The following SLCO1C1 variants were observed in gnomAD, a reference collection of about 807,000 sequenced individuals.
SLCO1C1 encodes the protein solute carrier organic anion transporter family member 1C1.
SLCO1C1 carries 70 observed loss-of-function variants against 76.4 expected under a neutral mutation model. The observed-to-expected ratio is 0.92, with a 90% CI of 0.76 to 1.12. The LOEUF is 1.12. Ranked by LOEUF, SLCO1C1 falls within the 50% of genes most tolerant of loss-of-function variation. The pLI is 0.00. For synonymous variants in SLCO1C1, 306 were observed against 286.1 expected (o/e 1.07, Z -0.70); for missense variants, 912 against 823.8 (o/e 1.11, Z -1.31).
intron 4 of SLCO1C1, among the ~76,000 whole-genome samples, chr12:20,707,089 A>G (rs2120646671): frequency 6.6e-6 from 1 of 152,204 alleles, no homozygotes; most frequent in South Asian, 2.1e-4. Flanking sequence ...GGTAGGGCTC[A>G]GAATTCTCTG....
rs1946971974 is a variant in SLCO1C1 at position 20,709,745 on chromosome 12, GT to G, written c.405-1640del. 3.5e-5 allele frequency among the ~76,000 whole-genome samples: 2 copies of G among 57,844 alleles called. 1 individual carries two copies. Among genetic ancestry groups the G allele is most frequent in the African/African-American group, 1.1e-4 (2 of 17,754 alleles). The allele number at this position is 57,844 out of a possible 152,430, so 37.9% of individuals were successfully genotyped here. ...AAATACAAAAAATTAGCCGGGCGCG[GT>G]GGCGGGCGCCTGTAGTCCCAGCTAC... On this transcript the variant is annotated intron_variant, in intron 4 of 14. Transcript: ENST00000266509.
At chr12:20,723,396 G>A (rs1207833867) in intron 9 of SLCO1C1, 142 bp downstream of exon 9, 2 of 1,020,978 alleles carry the variant, frequency 2.0e-6, no homozygotes, top group East Asian at 2.7e-5. Flanking sequence ...CAAGAATGTT[G>A]TAGCAAGAAT....
intron 4 of SLCO1C1, among the ~76,000 whole-genome samples, chr12:20,708,508 G>T (rs1946899342): frequency 6.6e-6 from 1 of 152,082 alleles, no homozygotes; most frequent in African/African-American, 2.4e-5. Flanking sequence ...GGTTGGGGGT[G>T]GTTGCAGTAT....
rs546488610 is a variant in SLCO1C1, at chr12:20,733,459, T to C, written c.1382+355T>C. ...GTTTAAACTAATCCAACTTCAATTT[T>C]CCCATCTTAAAAACAGAAGTAATAA... On this transcript the variant is annotated intron_variant, in intron 10 of 14. Transcript: ENST00000266509. Among the ~76,000 whole-genome samples, 37 of 152,324 alleles carry C rather than the reference T, an allele frequency of 2.4e-4. No individual in the cohort carries two copies. The South Asian group carries it at 7.4e-3, about 31-fold the overall frequency.
chr12:20,750,895 G>C, intron 14 of SLCO1C1, 103 bp downstream of exon 14: 6 of 1,608,990 alleles, frequency 3.7e-6, no homozygotes, highest in Non-Finnish European at 5.1e-6. Context: ...CTGCTTGTAA[G>C]GTAAAGAATA....
Position 20,721,831 on chromosome 12 carries a change from C to T in SLCO1C1, c.803C>T (p.Pro268Leu). The T allele has an allele frequency of 6.2e-7, 1 of 1,614,094 alleles. No individual in the cohort carries two copies. The highest frequency in any genetic ancestry group is 1.3e-5 in the African/African-American group (1 of 75,016). Reference protein sequence around the residue: ...LDHITITPKDPQWVGAWWLGY... With the variant: ...LDHITITPKDLQWVGAWWLGY... ...CACATAACCATTACCCCAAAAGATC[C>T]CCAGTGGGTAGGAGCCTGGTGGCTT... The change falls in exon 8 of 15, where the codon CCC (proline) becomes CTC (leucine). Residue 268 changes from proline (P) to leucine (L), a missense_variant. Coordinates refer to ENST00000266509, the MANE Select transcript of SLCO1C1 (RefSeq NM_017435.5).
intron 4 of SLCO1C1, among the ~76,000 whole-genome samples, chr12:20,709,333 G>T (rs1752959952): frequency 6.6e-6 from 1 of 152,034 alleles, no homozygotes; most frequent in South Asian, 2.1e-4. Context: ...ATAGCAATTA[G>T]TAACAAAAGT....
intron 10 of SLCO1C1, among the ~76,000 whole-genome samples, 153 bp from the exon 11 acceptor site, chr12:20,736,954 C>A (rs913287535): frequency 2.0e-5 from 3 of 152,110 alleles, no homozygotes; most frequent in African/African-American, 7.2e-5. Flanking sequence ...CATTTCATGA[C>A]CAGAAGCTGC....
At chr12:20,721,626 C>G (rs1947676495) in intron 7 of SLCO1C1, among the ~76,000 whole-genome samples, 178 bp from the exon 8 acceptor site, 1 of 151,620 alleles carries the variant, frequency 6.6e-6, no homozygotes, top group Non-Finnish European at 1.5e-5. Context: ...GGAGCTGAAC[C>G]TGCAAAATCT....
chr12:20,733,075 T>A lies in SLCO1C1; in HGVS notation c.1353T>A (p.Asp451Glu), dbSNP rs761231382. 10 of 1,603,910 alleles carry A rather than the reference T, an allele frequency of 6.2e-6. No individual in the cohort carries two copies. The East Asian group carries it at 2.2e-4, about 36-fold the overall frequency. ...SLFALGCENS[D>E]VAGLTVSYQG... is the part of the protein sequence containing the mutation. ...TTGCACTGGGCTGTGAAAATTCTGA[T>A]GTGGCAGGACTAACTGTCTCCTACC... Residue 451 changes from aspartate to glutamate, a missense_variant, in exon 10 of 15, where the codon GAT becomes GAA. Transcript: ENST00000266509.
At position 20,698,047 on chromosome 12, in the gene SLCO1C1, T is replaced by C. The variant is rs554340163; in HGVS notation, c.-25-1505T>C. 5.4e-4 allele frequency among the ~76,000 whole-genome samples: 82 copies of C among 152,190 alleles called. 2 individuals are homozygous for C. The South Asian group carries it at 8.9e-3, about 17-fold the overall frequency. The stretch of plus-strand genomic sequence containing the variant: ...TGTCTTTCTTGGCTATTTTCTCTTC[T>C]GGTTTTTATCAATATAGGTAATGAA... On this transcript the variant is annotated intron_variant, in intron 1 of 14. Transcript: ENST00000266509.
chr12:20,707,234 T>C (rs561265983), intron 4 of SLCO1C1, among the ~76,000 whole-genome samples: 51 of 152,150 alleles, frequency 3.4e-4, no homozygotes, highest in African/African-American at 1.1e-3. Context: ...TCCTTGATCA[T>C]TGAGATTCTA....
Position 20,711,471 on chromosome 12 carries a change from G to C in SLCO1C1, c.490G>C (p.Val164Leu). The C allele has an allele frequency of 6.2e-7, 1 of 1,613,750 alleles. No homozygotes were observed. The highest frequency in any genetic ancestry group is 1.7e-5 in the Admixed American group (1 of 59,974). Residue 164 changes from valine to leucine, a missense_variant, in exon 5 of 15, where the codon GTT becomes CTT. By Grantham distance (32) the Val-to-Leu change is conservative. Coordinates refer to ENST00000266509, the MANE Select transcript of SLCO1C1 (RefSeq NM_017435.5). ...CCTAGAGTCAAGCAGTCAATTACCA[G>C]TTTCAGTTATGGAAAAATCAAAATC... ...CLLESSSQLP[V>L]SVMEKSKSKI...
rs749629595 is a variant in SLCO1C1 at position 20,701,444 on chromosome 12, G to A, written c.256G>A (p.Gly86Ser). 1 of 1,505,900 alleles carries A rather than the reference G, an allele frequency of 6.6e-7. No individual in the cohort carries two copies. Among genetic ancestry groups the A allele is most frequent in the South Asian group, 1.3e-5 (1 of 75,048 alleles). The allele number at this position is 1,505,900 out of a possible 1,614,324, so 93.3% of individuals were successfully genotyped here. ...IPSSLVGVID[G>S]SFEIGNLLVI... ...TTCTTCACTGGTGGGAGTTATTGAT[G>A]GTAGTTTTGAAATTGGTAGGTATTA... The change falls in exon 3 of 15, where the codon GGT (glycine) becomes AGT (serine). Residue 86 changes from glycine to serine, a missense_variant. Physicochemically the swap from Gly to Ser is moderately conservative, Grantham distance 56. Coordinates refer to ENST00000266509, the MANE Select transcript of SLCO1C1 (RefSeq NM_017435.5).
Position 20,726,056 on chromosome 12 carries a change from G to A in SLCO1C1, c.1186+2802G>A, listed in dbSNP as rs140640545. ...AAGTATGGGGTGCAGCCGACTAAGC[G>A]TAAGTGGGCCAATTATTCAATATCC... is the stretch of plus-strand genomic sequence containing the variant. On this transcript the variant is annotated intron_variant, in intron 9 of 14. Coordinates refer to ENST00000266509, the MANE Select transcript of SLCO1C1 (RefSeq NM_017435.5). Among the ~76,000 whole-genome samples the A allele has an allele frequency of 4.0e-3, 612 of 152,142 alleles. 3 individuals are homozygous for A. Among genetic ancestry groups the A allele is most frequent in the African/African-American group, 0.013 (548 of 41,530 alleles).
At chr12:20,724,531 C>A (rs1165117166) in intron 9 of SLCO1C1, among the ~76,000 whole-genome samples, 1 of 146,240 alleles carries the variant, frequency 6.8e-6, no homozygotes, top group Non-Finnish European at 1.5e-5. Flanking sequence ...GAAAGCTTAA[C>A]TCTCCTATCA....
At position 20,730,618 on chromosome 12, in the gene SLCO1C1, C is replaced by T. The variant is rs1948222745; in HGVS notation, c.1187-2291C>T. 3.3e-5 allele frequency among the ~76,000 whole-genome samples: 5 copies of T among 152,266 alleles called. No individual in the cohort carries two copies. In the South Asian group the frequency reaches 8.3e-4, roughly 25 times the overall value. ...TCTGCTGCTTGCCATACCCAGCAAC[C>T]TCAGTTCAGCTGGAAAAGCAAAAGT... On this transcript the variant is annotated intron_variant, in intron 9 of 14. Transcript: ENST00000266509.
At chr12:20,700,305 A>G (rs796298352) in intron 2 of SLCO1C1, 1 of 151,990 alleles carries the variant, frequency 6.6e-6, no homozygotes, top group Non-Finnish European at 1.5e-5. Context: ...TTGCATCTCC[A>G]TAATGACTAG....
intron 14 of SLCO1C1, 140 bp from the exon 15 acceptor site, chr12:20,752,166 T>C: frequency 1.8e-6 from 1 of 541,708 alleles, no homozygotes. Flanking sequence ...AGTCTGTCAG[T>C]ATTTCATAAA....
Sources: gnomAD v4.1 joint callset for allele counts (sites outside exome capture counted in the v4.1 genomes callset) on GRCh38, gnomAD v4.1.1 for gene constraint, MANE v1.5 for transcripts, NCBI Gene and HGNC (gene_info 2026-07-23, HGNC 2026-07-21) for gene names.